The following CPXM2 variants were observed in gnomAD, a reference collection of about 807,000 sequenced individuals.
CPXM2 encodes inactive carboxypeptidase-like protein X2.
CPXM2 carries 66 observed loss-of-function variants against 86.1 expected under a neutral mutation model. The observed-to-expected ratio is 0.77, with a 90% CI of 0.63 to 0.94. CPXM2 has a LOEUF of 0.94. Ranked by LOEUF, CPXM2 falls within the 40% of genes least tolerant of loss-of-function variation. The pLI is 0.00. For synonymous variants in CPXM2, 388 were observed against 400.2 expected (o/e 0.97, Z 0.36); for missense variants, 948 against 1,026.3 (o/e 0.92, Z 1.04).
chr10:123,852,929 T>A (rs894545083), intron 3 of CPXM2, among the ~76,000 whole-genome samples: 2 of 152,214 alleles, frequency 1.3e-5, no homozygotes, highest in Non-Finnish European at 2.9e-5. Context: ...ACTATAATAG[T>A]AAACACTATG....
chr10:123,886,157 T>C (rs1945174912), intron 1 of CPXM2, among the ~76,000 whole-genome samples: 1 of 152,262 alleles, frequency 6.6e-6, no homozygotes, highest in African/African-American at 2.4e-5. Context: ...ACTTTGGATT[T>C]AACTCTTAAA....
chr10:123,892,838 T>A (rs999904800), upstream of CPXM2, among the ~76,000 whole-genome samples: 1 of 152,250 alleles, frequency 6.6e-6, no homozygotes, highest in South Asian at 2.1e-4. Flanking sequence ...CCTTTCCTCC[T>A]GCTGGCTGCC....
At chr10:123,794,378 T>A (rs1590007718) in intron 6 of CPXM2, among the ~76,000 whole-genome samples, 1 of 152,162 alleles carries the variant, frequency 6.6e-6, no homozygotes, top group Non-Finnish European at 1.5e-5. Flanking sequence ...CACCCCAGTA[T>A]CTTGAAGGTC....
chr10:123,912,853 TTTG>T (rs927472789), intron 2 of CPXM2, among the ~76,000 whole-genome samples: 83 of 152,362 alleles, frequency 5.4e-4, no homozygotes, highest in African/African-American at 1.9e-3. Context: ...GTTCAACTAC[TTTG>T]TTGTTGTTTT....
intron 6 of CPXM2, among the ~76,000 whole-genome samples, chr10:123,794,006 T>C (rs560915270): frequency 6.6e-6 from 1 of 152,318 alleles, no homozygotes; most frequent in South Asian, 2.1e-4. Context: ...ACAATTAAAA[T>C]AGCTTTTCAA....
rs374183184 is a variant in CPXM2 at position 123,746,792 on chromosome 10, C to G, written c.2243G>C (p.Arg748Pro). The G allele has an allele frequency of 6.2e-7, 1 of 1,614,100 alleles. No individual in the cohort carries two copies. Among genetic ancestry groups the G allele is most frequent in the African/African-American group, 1.3e-5 (1 of 74,942 alleles). Residue 748 changes from arginine to proline, a missense_variant, in exon 14 of 14, where the codon CGG becomes CCG. By Grantham distance (103) the Arg-to-Pro change is moderately radical (BLOSUM62 -2). Transcript: ENST00000241305. ...VSLPARRLKL[R>P]GQKRRQRG ...CCCACGCTGTCGTCTCTTCTGCCCC[C>G]GCAGCTTCAGCCGCCTGGCTGGCAG...
At chr10:123,747,156 A>C in intron 13 of CPXM2, 139 bp from the exon 14 acceptor site, 1 of 1,039,740 alleles carries the variant, frequency 9.6e-7, no homozygotes, top group Non-Finnish European at 1.4e-6. Flanking sequence ...CTGCAGATGC[A>C]AATTCTTAAT....
intron 4 of CPXM2, among the ~76,000 whole-genome samples, chr10:123,830,968 G>A (rs539261755): frequency 4.6e-5 from 7 of 151,206 alleles, no homozygotes; most frequent in Admixed American, 4.0e-4. Context: ...GCTCTGCCAT[G>A]TTCTCAGTAC....
intron 2 of CPXM2, among the ~76,000 whole-genome samples, chr10:123,879,076 G>C (rs770280544): frequency 2.6e-5 from 4 of 152,186 alleles, no homozygotes; most frequent in Non-Finnish European, 5.9e-5. Context: ...ACTTTAAGAA[G>C]GAATATACTT....
intron 2 of CPXM2, among the ~76,000 whole-genome samples, chr10:123,864,802 T>C (rs1334826090): frequency 6.6e-6 from 1 of 152,150 alleles, no homozygotes; most frequent in Admixed American, 6.5e-5. Context: ...TGCACGTGAG[T>C]ATTTTAATTC....
intron 2 of CPXM2, among the ~76,000 whole-genome samples, chr10:123,873,219 C>A (rs184391570): frequency 6.8e-6 from 1 of 146,754 alleles, no homozygotes; most frequent in Non-Finnish European, 1.5e-5. Context: ...AATCAACATT[C>A]AAAAATTAAC....
intron 2 of CPXM2, among the ~76,000 whole-genome samples, chr10:123,867,590 A>G (rs1944816306): frequency 7.0e-6 from 1 of 143,110 alleles, no homozygotes; most frequent in Non-Finnish European, 1.5e-5. Context: ...CTGCAGTGCA[A>G]TGGTGCGATT....
chr10:123,915,835 G>C (rs1409134960), intron 2 of CPXM2, among the ~76,000 whole-genome samples: 3 of 152,140 alleles, frequency 2.0e-5, no homozygotes. Context: ...CCAGTCCCTG[G>C]TCCTGGTTGC....
chr10:123,821,631 G>A (rs1445994870), intron 4 of CPXM2, among the ~76,000 whole-genome samples: 7 of 152,226 alleles, frequency 4.6e-5, no homozygotes, highest in Non-Finnish European at 8.8e-5. Context: ...ATGTCTGCAT[G>A]TCCAACAATG....
chr10:123,890,573 A>T (rs527609945), intron 1 of CPXM2, among the ~76,000 whole-genome samples: 54 of 152,380 alleles, frequency 3.5e-4, no homozygotes, highest in African/African-American at 1.3e-3. Flanking sequence ...CCAGGCCTGC[A>T]GCCCCTGCAA....
intron 2 of CPXM2, among the ~76,000 whole-genome samples, chr10:123,912,075 G>T (rs1439533533): frequency 6.6e-6 from 1 of 152,044 alleles, no homozygotes; most frequent in Non-Finnish European, 1.5e-5. Context: ...CTCGACTGGG[G>T]TTTTCTGCAT....
intron 1 of CPXM2, among the ~76,000 whole-genome samples, chr10:123,883,186 G>A (rs975297665): frequency 6.6e-6 from 1 of 152,272 alleles, no homozygotes; most frequent in Non-Finnish European, 1.5e-5. Flanking sequence ...TACACTGACA[G>A]TGTGACTCCC....
At chr10:123,780,050 A>G in intron 7 of CPXM2, 117 bp downstream of exon 7, 1 of 697,486 alleles carries the variant, frequency 1.4e-6, no homozygotes, top group Non-Finnish European at 2.6e-6. Flanking sequence ...AAACCAAATG[A>G]TCATTCAGAT....
At chr10:123,803,197 A>C (rs1485444108) in intron 4 of CPXM2, among the ~76,000 whole-genome samples, 2 of 133,388 alleles carry the variant, frequency 1.5e-5, no homozygotes, top group Non-Finnish European at 3.1e-5. Context: ...TCCCAGGCTC[A>C]AGCAATTCAC....
Sources: allele counts gnomAD v4.1 joint callset (sites outside exome capture counted in the v4.1 genomes callset), GRCh38; gene constraint gnomAD v4.1.1; transcripts MANE v1.5; gene names NCBI Gene and HGNC (gene_info 2026-07-23, HGNC 2026-07-21).